The following RPRD1A variants were observed in gnomAD, a reference collection of about 807,000 sequenced individuals.
RPRD1A encodes the protein regulation of nuclear pre-mRNA domain containing 1A.
In RPRD1A, 9 loss-of-function variants were observed where a neutral mutation model predicts 37.8. The observed-to-expected ratio is 0.24, with a 90% CI of 0.14 to 0.42. The LOEUF (loss-of-function observed/expected upper bound fraction) is 0.42. Among genes scored for constraint, RPRD1A ranks in the 10% least tolerant of loss-of-function variants. The pLI is 1.00. For synonymous variants in RPRD1A, 138 were observed against 139.7 expected (o/e 0.99, Z 0.08); for missense variants, 255 against 371.0 (o/e 0.69, Z 2.57).
rs115018506 is a variant in RPRD1A, at chr18:36,049,717, G to A, written c.152-15880C>T. ...TATGTTTATTCATTTATCTGTTGTT[G>A]GACACTTGGGTTGCTTTCACCTTTT... On this transcript the variant is annotated intron_variant, in intron 1 of 6. Transcript: ENST00000399022. Among the ~76,000 whole-genome samples, 1,497 of 152,198 alleles carry A rather than the reference G, an allele frequency of 9.8e-3. 25 individuals carry two copies. The highest frequency in any genetic ancestry group is 0.034 in the African/African-American group (1,423 of 41,528).
intron 6 of RPRD1A, among the ~76,000 whole-genome samples, chr18:36,014,823 C>T (rs1910402780): frequency 6.6e-6 from 1 of 151,946 alleles, no homozygotes; most frequent in South Asian, 2.1e-4. Context: ...AAACAAATGG[C>T]CATAAGCATA....
At chr18:36,003,441 A>G (rs1909542711) in intron 6 of RPRD1A, among the ~76,000 whole-genome samples, 1 of 152,236 alleles carries the variant, frequency 6.6e-6, no homozygotes. Flanking sequence ...TATACTAGAA[A>G]TGTTTAGGCA....
intron 1 of RPRD1A, among the ~76,000 whole-genome samples, chr18:36,050,394 T>C (rs1913297271): frequency 6.6e-6 from 1 of 152,102 alleles, no homozygotes; most frequent in East Asian, 1.9e-4. Flanking sequence ...TGATTACAAG[T>C]ACAGTTTGCC....
rs569888241 is a variant in RPRD1A, at chr18:36,062,996, C to G, written c.151+4258G>C. ...CACTTACATTTTTGGTTACACTTTA[C>G]TGCATTTATCAGGAAAATTGTATGC... On this transcript the variant is annotated intron_variant, in intron 1 of 6. Transcript: ENST00000399022. 4.6e-5 allele frequency: 7 copies of G among 152,254 alleles called. No individual in the cohort carries two copies. In the South Asian group the frequency reaches 1.4e-3, roughly 32 times the overall value. 9.4% of individuals were successfully genotyped at this position (152,254 alleles called of 1,614,324 possible). A position where few individuals can be genotyped will look rare whatever the true frequency, so the allele number is the denominator to read the frequency against.
At chr18:36,006,919 T>G (rs1158554844) in intron 6 of RPRD1A, among the ~76,000 whole-genome samples, 1 of 152,198 alleles carries the variant, frequency 6.6e-6, no homozygotes, top group Non-Finnish European at 1.5e-5. Context: ...AAAAGAGTCA[T>G]CTGGCCTATA....
chr18:36,008,575 G>GTGTGTGTGTATGTATA (rs1555670677), intron 6 of RPRD1A, among the ~76,000 whole-genome samples: 1 of 42,374 alleles, frequency 2.4e-5, no homozygotes, highest in East Asian at 6.1e-4. Flanking sequence ...GACCTTGTGT[G>GTGTGTGTGTATGTATA]TGTATATATA....
At position 35,990,031 on chromosome 18, in the gene RPRD1A, T is replaced by C. The variant is rs1195122395; in HGVS notation, c.*3120A>G. 2 of 152,246 alleles carry C rather than the reference T, an allele frequency of 1.3e-5. No individual in the cohort carries two copies. The highest frequency in any genetic ancestry group is 4.8e-5 in the African/African-American group (2 of 41,460). The allele number at this position is 152,246 out of a possible 1,614,324, so 9.4% of individuals were successfully genotyped here. On this transcript the variant is annotated 3_prime_UTR_variant, in exon 7 of 7. Coordinates refer to ENST00000399022, the MANE Select transcript of RPRD1A (RefSeq NM_018170.5). ...ATTCATTAAGTAACACAATGTTTCC[T>C]TTCTATACAGAGAAGAACTGGGCTT...
chr18:36,067,210 C>T (rs1227740810), intron 1 of RPRD1A, 44 bp downstream of exon 1: 1 of 1,519,180 alleles, frequency 6.6e-7, no homozygotes, highest in Non-Finnish European at 8.9e-7. Flanking sequence ...CGCCTGGAGG[C>T]CGGCCGGGTG....
chr18:36,047,176 C>T (rs930080080), intron 1 of RPRD1A, among the ~76,000 whole-genome samples: 1 of 151,768 alleles, frequency 6.6e-6, no homozygotes, highest in Non-Finnish European at 1.5e-5. Context: ...TCACCATACT[C>T]CAGCCTGGGC....
At chr18:36,015,825 G>A (rs999960811) in intron 6 of RPRD1A, among the ~76,000 whole-genome samples, 3 of 152,188 alleles carry the variant, frequency 2.0e-5, no homozygotes, top group Admixed American at 2.0e-4. Context: ...ATGAGAAATT[G>A]TTGAATGGGT....
At chr18:36,018,521 C>T (rs1910762919) in intron 6 of RPRD1A, among the ~76,000 whole-genome samples, 2 of 152,160 alleles carry the variant, frequency 1.3e-5, no homozygotes, top group Non-Finnish European at 2.9e-5. Flanking sequence ...GATCCACCCG[C>T]CTCGGCCTCC....
At chr18:36,044,163 C>A (rs965239109) in intron 1 of RPRD1A, among the ~76,000 whole-genome samples, 2 of 151,840 alleles carry the variant, frequency 1.3e-5, no homozygotes, top group Non-Finnish European at 1.5e-5. Context: ...GGAAGAGGAG[C>A]GGTTGGTCTT....
At position 36,051,417 on chromosome 18, in the gene RPRD1A, T is replaced by G. The variant is rs189836104; in HGVS notation, c.151+15837A>C. ...ATAATAGACTAAAAAGGCTGGAAAT[T>G]TTTCAGGTCTTTCTCAACCAAGAAA... On this transcript the variant is annotated intron_variant, in intron 1 of 6. Coordinates refer to ENST00000399022, the MANE Select transcript of RPRD1A (RefSeq NM_018170.5). Among the ~76,000 whole-genome samples, 1,483 of 152,256 alleles carry G rather than the reference T, an allele frequency of 9.7e-3. 85 individuals are homozygous for G. The highest frequency in any genetic ancestry group is 0.088 in the Admixed American group (1,341 of 15,274).
intron 6 of RPRD1A, among the ~76,000 whole-genome samples, chr18:36,013,590 CA>C (rs1431867516): frequency 1.2e-4 from 18 of 152,140 alleles, no homozygotes; most frequent in Non-Finnish European, 2.5e-4. Context: ...AAAAGATATT[CA>C]GTGAAGCTGT....
intron 6 of RPRD1A, among the ~76,000 whole-genome samples, chr18:36,023,764 A>G (rs571582455): frequency 1.4e-5 from 2 of 145,896 alleles, no homozygotes; most frequent in Non-Finnish European, 3.1e-5. Flanking sequence ...CTCCACCAGC[A>G]AAGACTATGA....
intron 1 of RPRD1A, among the ~76,000 whole-genome samples, chr18:36,046,100 C>A (rs1025403338): frequency 2.6e-5 from 4 of 152,118 alleles, no homozygotes; most frequent in African/African-American, 9.7e-5. Flanking sequence ...GATTTTTCTA[C>A]TAAAACAGCA....
intron 6 of RPRD1A, among the ~76,000 whole-genome samples, chr18:36,006,977 A>C (rs1909785833): frequency 6.6e-6 from 1 of 152,188 alleles, no homozygotes; most frequent in Non-Finnish European, 1.5e-5. Context: ...AGGCATGAAT[A>C]AAGCTGTATT....
chr18:36,048,690 T>C (rs1913141309), intron 1 of RPRD1A, among the ~76,000 whole-genome samples: 1 of 150,388 alleles, frequency 6.6e-6, no homozygotes, highest in Non-Finnish European at 1.5e-5. Flanking sequence ...TTACATCTAA[T>C]GGAGAAAGAT....
At chr18:36,011,694 A>G (rs1910187961) in intron 6 of RPRD1A, among the ~76,000 whole-genome samples, 2 of 152,222 alleles carry the variant, frequency 1.3e-5, no homozygotes, top group Admixed American at 1.3e-4. Flanking sequence ...AATTAACACA[A>G]GCAAAAAATG....
Sources: allele counts gnomAD v4.1 joint callset (sites outside exome capture counted in the v4.1 genomes callset), GRCh38; gene constraint gnomAD v4.1.1; transcripts MANE v1.5; gene names NCBI Gene and HGNC (gene_info 2026-07-23, HGNC 2026-07-21).